STRA6: variants seen among roughly 807,000 people sequenced by gnomAD.
The protein encoded by STRA6 is signaling receptor and transporter of retinol STRA6, also known as receptor for retinol uptake STRA6.
In STRA6, 48 loss-of-function variants were observed where a neutral mutation model predicts 83.6. The ratio of observed to expected loss-of-function variants is 0.57; its 90% confidence interval spans 0.46 to 0.73. The LOEUF is 0.73. STRA6 is among the 30% of genes least tolerant of loss of function. The pLI is 0.00. For missense variants in STRA6, 760 were observed against 838.8 expected, an observed-to-expected ratio of 0.91 and a Z score of 1.16; for synonymous variants, 353 against 362.3, an observed-to-expected ratio of 0.97 and a Z score of 0.29.
upstream of STRA6, among the ~76,000 whole-genome samples, chr15:74,205,187 T>C (rs1359500807): frequency 6.6e-6 from 1 of 152,114 alleles, no homozygotes; most frequent in East Asian, 1.9e-4. Flanking sequence ...GGTGTGTTGC[T>C]GATACCAGAG....
At chr15:74,195,280 G>A (rs957265617) in intron 7 of STRA6, 22 bp downstream of exon 7, 3 of 1,610,372 alleles carry the variant, frequency 1.9e-6, no homozygotes, top group African/African-American at 1.3e-5. Flanking sequence ...CTCTGCCCTA[G>A]GCCATTGTGA....
At chr15:74,182,856 A>G (rs948408634) in intron 14 of STRA6, 13 of 275,526 alleles carry the variant, frequency 4.7e-5, no homozygotes, top group African/African-American at 2.8e-4. Flanking sequence ...TAGGTGCCCA[A>G]GGACTGTCTA....
chr15:74,211,483 C>CAG, upstream of STRA6, among the ~76,000 whole-genome samples: 1 of 149,670 alleles, frequency 6.7e-6, no homozygotes, highest in African/African-American at 2.5e-5. Flanking sequence ...CCACTGCAAC[C>CAG]TCCGCCTCCT....
rs144062660 is a variant in STRA6, at chr15:74,189,242, A to G, written c.963T>C (p.Thr321=). 4.8e-5 allele frequency: 77 copies of G among 1,607,720 alleles called. No individual in the cohort carries two copies. The African/African-American group carries it at 6.5e-4, about 14-fold the overall frequency. Residue 321 remains threonine (T), a synonymous_variant, in exon 12 of 19, where the codon ACT becomes ACC. Transcript: ENST00000395105. ...ALLLLVGVVP[T]IQKVRAGVTT... is the part of the protein sequence containing the mutation. ...TGACCCCTGCCCTCACCTTCTGGAT[A>G]GTGGGTACCACGCCCACCAGCAGCA...
chr15:74,183,634 AG>A (rs2073099135), intron 14 of STRA6: 1 of 1,422,822 alleles, frequency 7.0e-7, no homozygotes. Flanking sequence ...CTCCATGTGG[AG>A]GGTACACACT....
At chr15:74,187,361 C>G (rs1434755625) in intron 12 of STRA6, among the ~76,000 whole-genome samples, 1 of 152,216 alleles carries the variant, frequency 6.6e-6, no homozygotes, top group Admixed American at 6.5e-5. Flanking sequence ...GGGGATAGAT[C>G]TGTCTTCCCT....
At chr15:74,202,882 CA>C (rs370247708), upstream of STRA6, 384 of 1,007,666 alleles carry the variant, frequency 3.8e-4, 6 homozygotes, top group South Asian at 0.015. Context: ...GGAAATACAC[CA>C]TAATCCTTGA....
intron 2 of STRA6, among the ~76,000 whole-genome samples, chr15:74,198,429 A>C (rs1026082027): frequency 6.6e-6 from 1 of 152,094 alleles, no homozygotes; most frequent in African/African-American, 2.4e-5. Context: ...ATTCTTGCTC[A>C]CCCAGATGCT....
chr15:74,193,729 G>C, intron 8 of STRA6, 71 bp downstream of exon 8: 1 of 1,603,494 alleles, frequency 6.2e-7, no homozygotes, highest in Non-Finnish European at 8.5e-7. Context: ...ATGTATCTGG[G>C]ACCACAGATA....
intron 4 of STRA6, 95 bp from the exon 5 acceptor site, chr15:74,196,242 T>C: frequency 6.5e-7 from 1 of 1,541,996 alleles, no homozygotes; most frequent in Non-Finnish European, 8.8e-7. Context: ...GGAGGTGGAG[T>C]CAGTCCCACT....
rs138499753 is a variant in STRA6, at chr15:74,195,308, C to T, written c.591G>A (p.Val197=). 123 of 1,612,412 alleles carry T rather than the reference C, an allele frequency of 7.6e-5. No homozygotes were observed. Among genetic ancestry groups the T allele is most frequent in the Middle Eastern group, 5.5e-4 (3 of 5,432 alleles). The change falls in exon 7 of 19, where the codon GTG becomes GTA. Residue 197 remains valine (V), a synonymous_variant. Transcript: ENST00000395105. ...CATTGTGATCAGCGGTTACCTTGGG[C>T]ACCTGGGGACACTCTGCCCTCTGCC... ...QVWQRAECPQ[V]PKIYKYYSLL...
At chr15:74,203,681 G>A (rs1426581191), upstream of STRA6, among the ~76,000 whole-genome samples, 1 of 152,232 alleles carries the variant, frequency 6.6e-6, no homozygotes, top group East Asian at 1.9e-4. Flanking sequence ...CCCTGAGGCA[G>A]GAGAGATGAC....
rs2072890478 is a variant in STRA6, at chr15:74,179,928, T to C, written c.*152A>G. ...AGCAGAGCCCTCCTGAGGCTCCCAG[T>C]GCAGACAGACCTCCACCCAACCACA... is the stretch of plus-strand genomic sequence containing the variant. On this transcript the variant is annotated 3_prime_UTR_variant, in exon 19 of 19. Transcript: ENST00000395105. 3.3e-5 allele frequency: 34 copies of C among 1,043,504 alleles called. 1 individual carries two copies. The Middle Eastern group carries it at 2.9e-3, about 89-fold the overall frequency. 64.6% of individuals were successfully genotyped at this position (1,043,504 alleles called of 1,614,324 possible). A position where few individuals can be genotyped will look rare whatever the true frequency, so the allele number is the denominator to read the frequency against.
At chr15:74,197,704 C>T in intron 3 of STRA6, 48 bp downstream of exon 3, 1 of 1,607,272 alleles carries the variant, frequency 6.2e-7, no homozygotes, top group Non-Finnish European at 8.5e-7. Context: ...TCCCACTGCC[C>T]AGGCTGGCAG....
At chr15:74,190,781 G>C (rs1009085880) in intron 11 of STRA6, 59 bp downstream of exon 11, 25 of 1,612,846 alleles carry the variant, frequency 1.6e-5, no homozygotes, top group Non-Finnish European at 2.1e-5. Context: ...ACTGCTCCAG[G>C]CTTGGGGGTT....
At position 74,182,294 on chromosome 15, in the gene STRA6, A is replaced by G. The variant is rs779275945; in HGVS notation, c.1419-32T>C. ...GTGGGGTGGGGAGGTGGTCGCTGTT[A>G]GCGGACCTCTAAGGAGTCCCTGAGC... On this transcript the variant is annotated intron_variant, in intron 15 of 18. Coordinates refer to ENST00000395105, the MANE Select transcript of STRA6 (RefSeq NM_022369.4). 4 of 1,613,210 alleles carry G rather than the reference A, an allele frequency of 2.5e-6. No individual in the cohort carries two copies. The Admixed American group carries it at 6.7e-5, about 27-fold the overall frequency.
chr15:74,202,301 G>GA lies in STRA6; in HGVS notation c.-15-20dup, dbSNP rs745315400. 370 of 1,522,184 alleles carry GA rather than the reference G, an allele frequency of 2.4e-4. 1 individual carries two copies. Among genetic ancestry groups the GA allele is most frequent in the East Asian group, 1.5e-3 (64 of 42,450 alleles). 94.3% of individuals were successfully genotyped at this position (1,522,184 alleles called of 1,614,324 possible). A position where few individuals can be genotyped will look rare whatever the true frequency, so the allele number is the denominator to read the frequency against. ...CCTTCTCCTTTGACCCCAGGCGAGA[G>GA]AAAAAAAAAGCCACTACAGATGTGA... is the stretch of plus-strand genomic sequence containing the variant. On this transcript the variant is annotated intron_variant, in intron 1 of 18. Coordinates refer to ENST00000395105, the MANE Select transcript of STRA6 (RefSeq NM_022369.4).
intron 7 of STRA6, chr15:74,194,316 GAA>G: frequency 8.7e-7 from 1 of 1,151,696 alleles, no homozygotes; most frequent in Non-Finnish European, 1.1e-6. Context: ...TGAGCATCAG[GAA>G]AGTCTATGCC....
intron 16 of STRA6, 126 bp downstream of exon 16, chr15:74,182,035 T>C (rs1476900720): frequency 1.5e-5 from 13 of 864,426 alleles, no homozygotes; most frequent in Non-Finnish European, 2.3e-5. Context: ...AAGCTCTTTC[T>C]ACTATCATCT....
Sources: gnomAD v4.1 joint callset for allele counts (sites outside exome capture counted in the v4.1 genomes callset) on GRCh38, gnomAD v4.1.1 for gene constraint, MANE v1.5 for transcripts, NCBI Gene and HGNC (gene_info 2026-07-23, HGNC 2026-07-21) for gene names.